PPP3CA: variants seen among roughly 807,000 people sequenced by gnomAD.
The protein encoded by PPP3CA is protein phosphatase 3 catalytic subunit alpha.
In PPP3CA, 14 loss-of-function variants were observed where a neutral mutation model predicts 66.5. The ratio of observed to expected loss-of-function variants is 0.21; its 90% confidence interval spans 0.14 to 0.33. PPP3CA has a LOEUF of 0.33. Ranked by LOEUF, PPP3CA falls within the 10% of genes least tolerant of loss-of-function variation. The pLI, the probability that PPP3CA is intolerant of heterozygous loss-of-function variation, is 1.00. For synonymous variants in PPP3CA, 232 were observed against 226.2 expected (o/e 1.03, Z -0.23); for missense variants, 317 against 639.5 (o/e 0.50, Z 5.44).
intron 1 of PPP3CA, among the ~76,000 whole-genome samples, chr4:101,234,640 C>G (rs1726070496): frequency 6.6e-6 from 1 of 151,270 alleles, no homozygotes; most frequent in Non-Finnish European, 1.5e-5. Context: ...AAGTATCCAT[C>G]AATTTTTATT....
At chr4:101,189,914 C>T (rs1318165171) in intron 2 of PPP3CA, among the ~76,000 whole-genome samples, 1 of 151,900 alleles carries the variant, frequency 6.6e-6, no homozygotes, top group Non-Finnish European at 1.5e-5. Flanking sequence ...GTATTTCAGA[C>T]TGTTCATTAT....
chr4:101,117,975 T>C (rs971335918), intron 2 of PPP3CA, among the ~76,000 whole-genome samples: 1 of 152,012 alleles, frequency 6.6e-6, no homozygotes, highest in Non-Finnish European at 1.5e-5. Flanking sequence ...AATTACTAAT[T>C]TTCACTTTAG....
chr4:101,259,174 C>T (rs1470029952), intron 1 of PPP3CA, among the ~76,000 whole-genome samples: 1 of 152,146 alleles, frequency 6.6e-6, no homozygotes, highest in Non-Finnish European at 1.5e-5. Flanking sequence ...CCAGCCACCC[C>T]CCACATACCA....
chr4:101,125,374 C>T (rs1436294494), intron 2 of PPP3CA, among the ~76,000 whole-genome samples: 1 of 152,200 alleles, frequency 6.6e-6, no homozygotes, highest in African/African-American at 2.4e-5. Flanking sequence ...TAAATCACAT[C>T]CAGCCAGCTC....
chr4:101,301,427 TAATA>T (rs1202577731), intron 1 of PPP3CA, among the ~76,000 whole-genome samples: 2 of 147,036 alleles, frequency 1.4e-5, no homozygotes, highest in African/African-American at 2.5e-5. Flanking sequence ...AATTTATATA[TAATA>T]TATATTAATT....
At chr4:101,058,919 T>C (rs1728342509) in intron 10 of PPP3CA, among the ~76,000 whole-genome samples, 1 of 152,178 alleles carries the variant, frequency 6.6e-6, no homozygotes, top group African/African-American at 2.4e-5. Context: ...GGTCTACACA[T>C]TCTTATTCTC....
chr4:101,026,970 C>T (rs2110201170), intron 13 of PPP3CA, among the ~76,000 whole-genome samples: 1 of 152,310 alleles, frequency 6.6e-6, no homozygotes, highest in Non-Finnish European at 1.5e-5. Context: ...ACATGGAATT[C>T]TCAAAGTGGG....
intron 1 of PPP3CA, among the ~76,000 whole-genome samples, chr4:101,296,344 T>C (rs564293868): frequency 1.3e-5 from 2 of 152,138 alleles, no homozygotes; most frequent in South Asian, 4.1e-4. Flanking sequence ...AATATAAGTA[T>C]TTTGTATGTG....
At chr4:101,136,077 T>C (rs1439718459) in intron 2 of PPP3CA, among the ~76,000 whole-genome samples, 1 of 152,254 alleles carries the variant, frequency 6.6e-6, no homozygotes, top group Non-Finnish European at 1.5e-5. Context: ...ATAAGACATA[T>C]GATTAGTTTA....
Position 101,346,870 on chromosome 4 carries a change from A to C in PPP3CA, c.-74T>G. 1 of 1,529,212 alleles carries C rather than the reference A, an allele frequency of 6.5e-7. No homozygotes were observed. The highest frequency in any genetic ancestry group is 8.8e-7 in the Non-Finnish European group (1 of 1,132,516). 94.7% of individuals were successfully genotyped at this position (1,529,212 alleles called of 1,614,324 possible). A position where few individuals can be genotyped will look rare whatever the true frequency, so the allele number is the denominator to read the frequency against. ...CACCCCGACCGGACCGGCGGGCCAGACACTCAACGCCGCCGCCGCCGCCGC... is the reference window on the plus strand; with the variant it reads ...CACCCCGACCGGACCGGCGGGCCAGCCACTCAACGCCGCCGCCGCCGCCGC... On this transcript the variant is annotated 5_prime_UTR_variant, in exon 1 of 14. Coordinates refer to ENST00000394854, the MANE Select transcript of PPP3CA (RefSeq NM_000944.5).
intron 2 of PPP3CA, among the ~76,000 whole-genome samples, chr4:101,175,751 AT>A (rs1330096995): frequency 6.6e-6 from 1 of 152,172 alleles, no homozygotes; most frequent in Non-Finnish European, 1.5e-5. Flanking sequence ...AACATCTTCT[AT>A]TTTCAAATGG....
chr4:101,051,805 A>G (rs1728022523), intron 10 of PPP3CA, among the ~76,000 whole-genome samples: 1 of 152,146 alleles, frequency 6.6e-6, no homozygotes, highest in African/African-American at 2.4e-5. Context: ...GTTTAGTATA[A>G]GTTGGCTAAT....
At chr4:101,229,196 T>C (rs1725878975) in intron 1 of PPP3CA, among the ~76,000 whole-genome samples, 3 of 151,360 alleles carry the variant, frequency 2.0e-5, no homozygotes, top group African/African-American at 7.3e-5. Flanking sequence ...AAGTGACAAA[T>C]TGAACACGAC....
At chr4:101,220,971 T>C (rs930440435) in intron 1 of PPP3CA, among the ~76,000 whole-genome samples, 11 of 151,782 alleles carry the variant, frequency 7.2e-5, no homozygotes, top group African/African-American at 2.2e-4. Context: ...TTTACATGAG[T>C]ATTTTAACAG....
In PPP3CA at chr4:101,045,284, A is replaced by T. The variant is rs201329053; in HGVS notation, c.1157-4718T>A. Among the ~76,000 whole-genome samples the T allele has an allele frequency of 2.0e-5, 3 of 152,240 alleles. No homozygotes were observed. The East Asian group carries it at 5.8e-4, about 29-fold the overall frequency. On this transcript the variant is annotated intron_variant, in intron 10 of 13. Coordinates refer to ENST00000394854, the MANE Select transcript of PPP3CA (RefSeq NM_000944.5). ...TGACAAATATTATATTGAAAGTAGC[A>T]GTGGTACACTGGAGCTGGCTTCTGT... is the stretch of plus-strand genomic sequence containing the variant.
At chr4:101,220,090 C>A (rs1378289228) in intron 1 of PPP3CA, among the ~76,000 whole-genome samples, 3 of 151,744 alleles carry the variant, frequency 2.0e-5, no homozygotes, top group Non-Finnish European at 4.4e-5. Context: ...GATGATCACA[C>A]TTAGGAAGAA....
At chr4:101,085,754 G>A (rs1283276312) in intron 6 of PPP3CA, among the ~76,000 whole-genome samples, 1 of 151,962 alleles carries the variant, frequency 6.6e-6, no homozygotes, top group Non-Finnish European at 1.5e-5. Flanking sequence ...AAGAGAAACA[G>A]AAACTCTGTT....
intron 1 of PPP3CA, among the ~76,000 whole-genome samples, chr4:101,310,391 T>C (rs1032421546): frequency 2.6e-5 from 4 of 152,136 alleles, no homozygotes; most frequent in African/African-American, 9.7e-5. Flanking sequence ...TAGTAAATTA[T>C]ATAAACTACA....
chr4:101,035,318 C>CAA (rs75921822), intron 11 of PPP3CA, among the ~76,000 whole-genome samples: 10,105 of 151,460 alleles, frequency 0.067, 383 homozygotes, highest in African/African-American at 0.11. Context: ...TGGGACTCAT[C>CAA]AAAAAAAACA....
Sources: gnomAD v4.1 joint callset for allele counts (sites outside exome capture counted in the v4.1 genomes callset) on GRCh38, gnomAD v4.1.1 for gene constraint, MANE v1.5 for transcripts, NCBI Gene and HGNC (gene_info 2026-07-23, HGNC 2026-07-21) for gene names.